LAMA3: variants seen among roughly 807,000 people sequenced by gnomAD.
LAMA3 encodes laminin subunit alpha 3.
In LAMA3, 281 loss-of-function variants were observed where a neutral mutation model predicts 402.0. The ratio of observed to expected loss-of-function variants is 0.70; its 90% CI spans 0.63 to 0.77. LAMA3 has a LOEUF of 0.77. Ranked by LOEUF, LAMA3 falls within the 30% of genes least tolerant of loss-of-function variation. The pLI is 0.00. For synonymous variants in LAMA3, 1,431 were observed against 1,558.4 expected, an observed-to-expected ratio of 0.92 and a Z score of 1.93; for missense variants, 3,840 against 4,215.5, an observed-to-expected ratio of 0.91 and a Z score of 2.47.
chr18:23,723,128 A>G (rs1210974938), intron 2 of LAMA3, among the ~76,000 whole-genome samples: 1 of 152,152 alleles, frequency 6.6e-6, no homozygotes, highest in Non-Finnish European at 1.5e-5. Flanking sequence ...GGAGTGAAGT[A>G]TCTATAAACA....
chr18:23,884,065 T>C (rs2064992131), intron 40 of LAMA3, among the ~76,000 whole-genome samples: 1 of 89,704 alleles, frequency 1.1e-5, no homozygotes, highest in Non-Finnish European at 1.8e-5. Context: ...TGTGTGTGTG[T>C]GTGTGTGTGT....
At chr18:23,902,882 G>T (rs1444805563) in intron 48 of LAMA3, 127 bp from the exon 49 acceptor site, 5 of 727,084 alleles carry the variant, frequency 6.9e-6, no homozygotes, top group Non-Finnish European at 1.3e-5. Context: ...TAATTGCCTA[G>T]ACAATGTTCA....
At chr18:23,802,476 A>G (rs1174298158) in intron 12 of LAMA3, among the ~76,000 whole-genome samples, 1 of 152,210 alleles carries the variant, frequency 6.6e-6, no homozygotes, top group African/African-American at 2.4e-5. Context: ...ACCTTAAGTC[A>G]TCTCCTGTAT....
rs1280408390 is a variant in LAMA3, at chr18:23,834,037, A to G, written c.2984+49A>G. 4 of 1,606,750 alleles carry G rather than the reference A, an allele frequency of 2.5e-6. No homozygotes were observed. In the South Asian group the frequency reaches 4.4e-5, roughly 18 times the overall value. The stretch of plus-strand genomic sequence containing the variant: ...TCCTCTGTAAAGGAACAATTAGGAA[A>G]TCTGCCTTAGGAACTTTGGCTGTTA... On this transcript the variant is annotated intron_variant, in intron 24 of 74. Transcript: ENST00000313654.
rs111867408 is a variant in LAMA3 at position 23,846,995 on chromosome 18, G to A, written c.3932-469G>A. ...TCTTGTGGTCCGAGGGGTAGGGTAA[G>A]CTCACTTCACGTGACTGCAGTGAGA... is the stretch of plus-strand genomic sequence containing the variant. On this transcript the variant is annotated intron_variant, in intron 31 of 74. Transcript: ENST00000313654. Among the ~76,000 whole-genome samples the A allele has an allele frequency of 1.3e-3, 195 of 152,336 alleles. 1 individual carries two copies. Among genetic ancestry groups the A allele is most frequent in the African/African-American group, 4.3e-3 (177 of 41,584 alleles).
rs926831631 is a variant in LAMA3 at position 23,714,014 on chromosome 18, C to G, written c.389C>G (p.Pro130Arg). 3 of 1,613,846 alleles carry G rather than the reference C, an allele frequency of 1.9e-6. No individual in the cohort carries two copies. Among genetic ancestry groups the G allele is most frequent in the Admixed American group, 3.3e-5 (2 of 59,984 alleles). ...GGATCTGAACGTTGGTGGCAAAGCC[C>G]TCCCCTGTCCTCAGGCACACAGTAC... ...IDGSERWWQS[P>R]PLSSGTQYNR... Residue 130 changes from proline to arginine, a missense_variant, in exon 2 of 75, where the codon CCT becomes CGT. Pro to Arg is a moderately radical substitution (Grantham distance 103, BLOSUM62 -2). This residue lies in a region of LAMA3 where 2,109 missense variants were observed against 2,376.0 expected (regional missense o/e 0.89). Transcript: ENST00000313654.
chr18:23,780,227 G>A (rs983578057), intron 11 of LAMA3, among the ~76,000 whole-genome samples: 5 of 152,062 alleles, frequency 3.3e-5, no homozygotes, highest in African/African-American at 1.2e-4. Flanking sequence ...TCCTGCCTGG[G>A]AGCTCCCAGT....
chr18:23,851,271 A>G (rs2063937767), intron 32 of LAMA3, among the ~76,000 whole-genome samples: 1 of 152,214 alleles, frequency 6.6e-6, no homozygotes, highest in Admixed American at 6.5e-5. Flanking sequence ...TCTCACCTGC[A>G]CGACCTCTGT....
chr18:23,704,530 G>C (rs1283800576), intron 1 of LAMA3, among the ~76,000 whole-genome samples: 1 of 152,200 alleles, frequency 6.6e-6, no homozygotes, highest in Non-Finnish European at 1.5e-5. Flanking sequence ...ATTAAGCAAA[G>C]TAAAGCACAG....
intron 39 of LAMA3, among the ~76,000 whole-genome samples, chr18:23,881,718 A>G (rs777450309): frequency 5.3e-5 from 8 of 152,184 alleles, no homozygotes; most frequent in Non-Finnish European, 1.2e-4. Flanking sequence ...TCACGCTGCC[A>G]ATGTTAAGCA....
At chr18:23,790,975 G>A (rs1374244406) in intron 12 of LAMA3, among the ~76,000 whole-genome samples, 2 of 151,150 alleles carry the variant, frequency 1.3e-5, no homozygotes, top group South Asian at 2.1e-4. Flanking sequence ...TGCAAGCTCC[G>A]CCTCCTGGGT....
At chr18:23,797,289 T>A (rs1226174729) in intron 12 of LAMA3, among the ~76,000 whole-genome samples, 2 of 152,146 alleles carry the variant, frequency 1.3e-5, no homozygotes, top group Non-Finnish European at 2.9e-5. Context: ...TTTTTTTTTT[T>A]AGAGGGAATT....
chr18:23,842,560 C>T (rs1232343132), intron 28 of LAMA3, 39 bp downstream of exon 28: 1 of 1,614,240 alleles, frequency 6.2e-7, no homozygotes. Context: ...CTGCCTCAGG[C>T]TGAATCTACA....
intron 37 of LAMA3, among the ~76,000 whole-genome samples, chr18:23,869,493 G>A (rs559141652): frequency 9.9e-5 from 15 of 152,240 alleles, no homozygotes; most frequent in East Asian, 3.9e-4. Flanking sequence ...GCATGCTTCC[G>A]TAAATTTATT....
intron 10 of LAMA3, among the ~76,000 whole-genome samples, chr18:23,776,841 CT>C (rs34901172): frequency 2.6e-3 from 347 of 135,812 alleles, no homozygotes; most frequent in Middle Eastern, 3.8e-3. Context: ...TTGTATTTGC[CT>C]TTTTTTTTTT....
chr18:23,812,063 T>G (rs544998395), intron 13 of LAMA3, among the ~76,000 whole-genome samples: 2 of 151,976 alleles, frequency 1.3e-5, no homozygotes, highest in East Asian at 3.9e-4. Context: ...TTAGTAGAGA[T>G]GGGGTTTCAC....
At chr18:23,831,438 G>T (rs907100218) in intron 23 of LAMA3, among the ~76,000 whole-genome samples, 1 of 151,866 alleles carries the variant, frequency 6.6e-6, no homozygotes, top group Admixed American at 6.6e-5. Flanking sequence ...ACTGCAAGCC[G>T]TTCCCTCTAC....
chr18:23,876,148 C>A, intron 38 of LAMA3, 146 bp from the exon 39 acceptor site: 1 of 663,154 alleles, frequency 1.5e-6, no homozygotes, highest in Non-Finnish European at 2.8e-6. Context: ...TGTGAATAGT[C>A]ACTACACTCC....
At chr18:23,951,571 T>G in intron 72 of LAMA3, 113 bp from the exon 73 acceptor site, 1 of 760,950 alleles carries the variant, frequency 1.3e-6, no homozygotes, top group Admixed American at 2.0e-5. Flanking sequence ...AGGGCCAATA[T>G]CTAATGTGCC....
Sources: gnomAD v4.1 joint callset for allele counts (sites outside exome capture counted in the v4.1 genomes callset) on GRCh38, gnomAD v4.1.1 for gene constraint, gnomAD v4.1.1 regional missense constraint, MANE v1.5 for transcripts, NCBI Gene and HGNC (gene_info 2026-07-23, HGNC 2026-07-21) for gene names.